MPP3: variants seen among roughly 807,000 people sequenced by gnomAD.
MPP3 encodes MAGUK p55 scaffold protein 3.
Under a neutral mutation model 80.7 loss-of-function variants are expected in MPP3, and 48 were observed. That is an observed-to-expected ratio of 0.59 (90% CI 0.47 to 0.76). The LOEUF (loss-of-function observed/expected upper bound fraction) is 0.76. MPP3 is among the 30% of genes least tolerant of loss of function. The pLI is 0.00. For synonymous variants in MPP3, 311 were observed against 297.6 expected, an observed-to-expected ratio of 1.04 and a Z score of -0.46; for missense variants, 620 against 763.0, an observed-to-expected ratio of 0.81 and a Z score of 2.21.
At chr17:43,816,598 G>A in intron 13 of MPP3, 79 bp downstream of exon 13, 1 of 1,345,228 alleles carries the variant, frequency 7.4e-7, no homozygotes, top group Non-Finnish European at 1.0e-6. Flanking sequence ...GATAGGGAAA[G>A]AACACGAGCC....
intron 18 of MPP3, among the ~76,000 whole-genome samples, chr17:43,809,581 T>C (rs370031238): frequency 6.6e-5 from 10 of 152,284 alleles, no homozygotes; most frequent in African/African-American, 1.9e-4. Flanking sequence ...CTGTAGACTG[T>C]AGAAACTGCA....
chr17:43,832,302 G>A (rs1384030120), intron 2 of MPP3: 1 of 287,152 alleles, frequency 3.5e-6, no homozygotes, highest in East Asian at 1.2e-4. Context: ...TGGCCTTGGA[G>A]GTGCCAAGTG....
chr17:43,806,129 A>T (rs533634028), intron 19 of MPP3, among the ~76,000 whole-genome samples: 1 of 152,216 alleles, frequency 6.6e-6, no homozygotes, highest in Non-Finnish European at 1.5e-5. Flanking sequence ...CTATGTCATC[A>T]AATATTCCTC....
At position 43,830,007 on chromosome 17, in the gene MPP3, C is replaced by G. The variant is rs1298012401; in HGVS notation, c.303+20G>C. 2.6e-5 allele frequency: 42 copies of G among 1,605,542 alleles called. No homozygotes were observed. The highest frequency in any genetic ancestry group is 3.5e-5 in the Non-Finnish European group (41 of 1,176,740). On this transcript the variant is annotated intron_variant, in intron 6 of 19. Transcript: ENST00000398389. ...CAGGAGACCCAGAGGCATGGCTGGGCAGGGGCTCTGTGTGACTACCCTCAG... is the reference window on the plus strand; with the variant it reads ...CAGGAGACCCAGAGGCATGGCTGGGGAGGGGCTCTGTGTGACTACCCTCAG...
At chr17:43,829,849 C>T (rs1567829412) in intron 6 of MPP3, 58 bp from the exon 7 acceptor site, 15 of 1,608,930 alleles carry the variant, frequency 9.3e-6, no homozygotes, top group Non-Finnish European at 1.3e-5. Flanking sequence ...GTCAGCAGGC[C>T]GCAGCTGGCC....
chr17:43,824,142 T>C (rs1375388303), intron 9 of MPP3, 137 bp from the exon 10 acceptor site: 14 of 557,166 alleles, frequency 2.5e-5, no homozygotes, highest in Middle Eastern at 5.4e-4. Flanking sequence ...TCTTCTAGGA[T>C]GGTGCCCTGG....
At chr17:43,818,266 C>T (rs1372060147) in intron 11 of MPP3, among the ~76,000 whole-genome samples, 156 bp from the exon 12 acceptor site, 2 of 152,194 alleles carry the variant, frequency 1.3e-5, no homozygotes, top group African/African-American at 2.4e-5. Context: ...TAAGTTCCAA[C>T]GAAGGGAACA....
At chr17:43,802,970 A>C (rs961813109) in intron 19 of MPP3, among the ~76,000 whole-genome samples, 3 of 152,220 alleles carry the variant, frequency 2.0e-5, no homozygotes, top group Admixed American at 2.0e-4. Context: ...TTGGCATGCT[A>C]CTTCAAAGAT....
chr17:43,828,026 A>G (rs534236925), intron 7 of MPP3, among the ~76,000 whole-genome samples, 194 bp from the exon 8 acceptor site: 1 of 152,322 alleles, frequency 6.6e-6, no homozygotes, highest in Non-Finnish European at 1.5e-5. Flanking sequence ...TACAGTTTAC[A>G]AGGCACAATA....
chr17:43,816,795 G>A (rs1199307695), intron 12 of MPP3, 98 bp from the exon 13 acceptor site: 5 of 1,107,150 alleles, frequency 4.5e-6, no homozygotes, highest in South Asian at 2.7e-5. Context: ...TGAGGAGCCC[G>A]CCATCTGGCC....
chr17:43,826,862 G>A (rs575883853), intron 8 of MPP3, among the ~76,000 whole-genome samples: 13 of 142,596 alleles, frequency 9.1e-5, no homozygotes, highest in African/African-American at 3.7e-4. Context: ...TTTTGAGACG[G>A]TCTCACTGCG....
chr17:43,802,007 A>C (rs2044429496), intron 19 of MPP3, 130 bp from the exon 20 acceptor site: 2 of 855,438 alleles, frequency 2.3e-6, no homozygotes, highest in Non-Finnish European at 3.5e-6. Context: ...CCCACTGATA[A>C]CCAACTGTGT....
At chr17:43,831,429 G>C (rs1032357762) in intron 4 of MPP3, 108 bp from the exon 5 acceptor site, 2 of 1,381,924 alleles carry the variant, frequency 1.4e-6, no homozygotes, top group Non-Finnish European at 2.1e-6. Flanking sequence ...CACCATAAGA[G>C]AAAGTCCTGT....
chr17:43,809,740 G>A (rs918902382), intron 18 of MPP3, among the ~76,000 whole-genome samples: 6 of 152,058 alleles, frequency 3.9e-5, no homozygotes, highest in East Asian at 1.9e-4. Context: ...TTAGCCAGGC[G>A]TGGTGGCGGG....
chr17:43,831,563 A>G lies in MPP3; in HGVS notation c.140T>C (p.Met47Thr). The G allele has an allele frequency of 6.2e-7, 1 of 1,609,706 alleles. No homozygotes were observed. Among genetic ancestry groups the G allele is most frequent in the South Asian group, 1.1e-5 (1 of 90,922 alleles). Reference protein sequence around the residue: ...VFSEKSLSYLMKIHEKLRYYE... With the variant: ...VFSEKSLSYLTKIHEKLRYYE... ...CAGGATGACGTGGGACTTCACCTTC[A>G]TTAAGTAACTGAGGCTTTTTTCACT... The change falls in exon 4 of 20, where the codon ATG becomes ACG. Residue 47 changes from methionine (M) to threonine (T), a missense_variant. By Grantham distance (81) the Met-to-Thr change is moderately conservative. Transcript: ENST00000398389.
In MPP3 at chr17:43,824,492, A is replaced by T. The variant is rs563123436; in HGVS notation, c.610-487T>A. Among the ~76,000 whole-genome samples, 6 of 152,166 alleles carry T rather than the reference A, an allele frequency of 3.9e-5. No individual in the cohort carries two copies. In the East Asian group the frequency reaches 9.7e-4, roughly 25 times the overall value. On this transcript the variant is annotated intron_variant, in intron 9 of 19. Transcript: ENST00000398389. ...CTTCCCTCTTTGCTTCCATCTCCCC[A>T]GTCTCAGGCCATGCCCAGCTTTCTA...
chr17:43,814,911 T>A (rs1171265612), intron 14 of MPP3, among the ~76,000 whole-genome samples: 1 of 152,032 alleles, frequency 6.6e-6, no homozygotes, highest in Non-Finnish European at 1.5e-5. Flanking sequence ...GAAAAAAAAA[T>A]TCAGAGATGT....
At chr17:43,815,922 C>T (rs1272015513) in intron 14 of MPP3, 116 bp downstream of exon 14, 2 of 952,670 alleles carry the variant, frequency 2.1e-6, no homozygotes, top group East Asian at 2.9e-5. Flanking sequence ...GTCCCATAGG[C>T]TCCACTGCTC....
intron 19 of MPP3, among the ~76,000 whole-genome samples, chr17:43,803,059 A>G (rs968048434): frequency 2.0e-5 from 3 of 152,158 alleles, no homozygotes; most frequent in African/African-American, 7.2e-5. Context: ...TTAAATTGGG[A>G]GACACTTCTC....
Sources: gnomAD v4.1 joint callset for allele counts (sites outside exome capture counted in the v4.1 genomes callset) on GRCh38, gnomAD v4.1.1 for gene constraint, MANE v1.5 for transcripts, NCBI Gene and HGNC (gene_info 2026-07-23, HGNC 2026-07-21) for gene names.